Variants in TNIK observed in about 807,000 individuals in gnomAD.
The protein encoded by TNIK is TRAF2 and NCK interacting kinase.
A neutral mutation model predicts 191.3 loss-of-function variants in TNIK; 49 were observed. The observed-to-expected ratio is 0.26, with a 90% CI of 0.20 to 0.32. TNIK has a LOEUF of 0.32. Among genes scored for constraint, TNIK ranks in the 10% least tolerant of loss-of-function variants. The pLI is 1.00. For synonymous variants in TNIK, 594 were observed against 600.9 expected, an observed-to-expected ratio of 0.99 and a Z score of 0.17; for missense variants, 1,155 against 1,702.3, an observed-to-expected ratio of 0.68 and a Z score of 5.66.
At chr3:171,143,447 C>A (rs897351249) in intron 12 of TNIK, among the ~76,000 whole-genome samples, 1 of 152,166 alleles carries the variant, frequency 6.6e-6, no homozygotes, top group African/African-American at 2.4e-5. Flanking sequence ...TCTGCTGTAC[C>A]CCAACCCCTC....
intron 2 of TNIK, among the ~76,000 whole-genome samples, chr3:171,369,397 C>T (rs1479539859): frequency 2.0e-5 from 3 of 152,176 alleles, no homozygotes; most frequent in African/African-American, 7.2e-5. Flanking sequence ...GTGTCACATA[C>T]AAACACAGTA....
chr3:171,253,589 T>TCCCCCCCCCCCCCCCCCCCCCC (rs67388870), intron 2 of TNIK, among the ~76,000 whole-genome samples: 2 of 121,542 alleles, frequency 1.6e-5, no homozygotes, highest in African/African-American at 3.1e-5. Flanking sequence ...AGAAGACAGG[T>TCCCCCCCCCCCCCCCCCCCCCC]CCCCCCCCCA....
At chr3:171,224,468 A>G (rs928123464) in intron 3 of TNIK, among the ~76,000 whole-genome samples, 28 of 140,738 alleles carry the variant, frequency 2.0e-4, no homozygotes, top group Non-Finnish European at 3.2e-4. Context: ...CAGGGTTATC[A>G]AAAAAAAAAC....
intron 15 of TNIK, among the ~76,000 whole-genome samples, chr3:171,131,371 A>G (rs1190725638): frequency 4.1e-5 from 6 of 144,878 alleles, no homozygotes; most frequent in South Asian, 4.5e-4. Context: ...AAAAAAAAAA[A>G]AAAGAAATGA....
rs1298661867 is a variant in TNIK, at chr3:171,159,618, G to A, written c.1016+1652C>T. ...TGGGAACCCAGCCTCCCATGCACACGAGGATGCTCCATTAATATTAATTGA... is the reference window on the plus strand; with the variant it reads ...TGGGAACCCAGCCTCCCATGCACACAAGGATGCTCCATTAATATTAATTGA... On this transcript the variant is annotated intron_variant, in intron 11 of 32. Transcript: ENST00000436636. The surrounding 1 kb of genome is among the most constrained non-coding windows in gnomAD (Gnocchi z 4.1). Among the ~76,000 whole-genome samples the A allele has an allele frequency of 1.3e-5, 2 of 152,158 alleles. No homozygotes were observed. Among genetic ancestry groups the A allele is most frequent in the African/African-American group, 2.4e-5 (1 of 41,432 alleles).
At chr3:171,386,860 T>G (rs1351672921) in intron 1 of TNIK, among the ~76,000 whole-genome samples, 1 of 152,188 alleles carries the variant, frequency 6.6e-6, no homozygotes, top group Non-Finnish European at 1.5e-5. Flanking sequence ...GTTGAAAAAC[T>G]TTGCCACTCC....
intron 2 of TNIK, among the ~76,000 whole-genome samples, chr3:171,311,495 C>T (rs188071879): frequency 2.2e-4 from 33 of 152,092 alleles, no homozygotes; most frequent in African/African-American, 6.0e-4. Context: ...CTGATGCTCA[C>T]GGAAACTAAG....
chr3:171,185,732 A>G (rs2108815258), intron 7 of TNIK, among the ~76,000 whole-genome samples: 1 of 152,332 alleles, frequency 6.6e-6, no homozygotes, highest in South Asian at 2.1e-4. Context: ...AGGTTTTGTA[A>G]AAAGTTATAG....
intron 2 of TNIK, among the ~76,000 whole-genome samples, chr3:171,261,737 G>A (rs1747642435): frequency 6.6e-6 from 1 of 152,162 alleles, no homozygotes; most frequent in African/African-American, 2.4e-5. Flanking sequence ...TGTGGCTACA[G>A]CAATGGGCGA....
chr3:171,211,105 G>A lies in TNIK; in HGVS notation c.306+11C>T. 1 of 1,610,690 alleles carries A rather than the reference G, an allele frequency of 6.2e-7. No individual in the cohort carries two copies. The highest frequency in any genetic ancestry group is 8.5e-7 in the Non-Finnish European group (1 of 1,179,018). On this transcript the variant is annotated intron_variant, in intron 4 of 32. Transcript: ENST00000436636. ...TATGTAAATAAAGCAAATTTGGACG[G>A]CAGTACATACCCAAAGTTGGTCATC...
chr3:171,094,117 G>A, intron 22 of TNIK, 149 bp from the exon 23 acceptor site: 1 of 1,054,088 alleles, frequency 9.5e-7, no homozygotes, highest in Non-Finnish European at 1.3e-6. Flanking sequence ...CATGTCAGTG[G>A]TCTTAAGTAC....
chr3:171,221,402 C>T (rs956277168), intron 3 of TNIK, among the ~76,000 whole-genome samples: 2 of 152,112 alleles, frequency 1.3e-5, no homozygotes, highest in African/African-American at 2.4e-5. Flanking sequence ...ACTTGGCTAA[C>T]GAAGGTCTAC....
chr3:171,381,209 A>T (rs1717985665), intron 1 of TNIK, among the ~76,000 whole-genome samples: 1 of 152,146 alleles, frequency 6.6e-6, no homozygotes, highest in African/African-American at 2.4e-5. Context: ...TTTTTGGCAG[A>T]CTCAAGAAGC....
intron 2 of TNIK, among the ~76,000 whole-genome samples, chr3:171,242,180 G>A (rs986658853): frequency 6.6e-6 from 1 of 150,618 alleles, no homozygotes; most frequent in Middle Eastern, 3.5e-3. Context: ...AAAAGAATGA[G>A]GCTGTGCTTT....
chr3:171,068,564 C>T (rs1305924302), intron 30 of TNIK, among the ~76,000 whole-genome samples: 1 of 152,160 alleles, frequency 6.6e-6, no homozygotes, highest in Non-Finnish European at 1.5e-5. Flanking sequence ...AATTCATGCC[C>T]TTGAAAGAAA....
Position 171,159,985 on chromosome 3 carries a change from G to A in TNIK, c.1016+1285C>T, listed in dbSNP as rs1403622684. 6.6e-6 allele frequency among the ~76,000 whole-genome samples: 1 copy of A among 152,208 alleles called. No individual in the cohort carries two copies. Among genetic ancestry groups the A allele is most frequent in the Admixed American group, 6.5e-5 (1 of 15,282 alleles). On this transcript the variant is annotated intron_variant, in intron 11 of 32. Transcript: ENST00000436636. This position sits in a 1 kb window ranked among gnomAD's most constrained non-coding sequence, Gnocchi z 4.1. ...AGTGTTAGAAAGACAGGGTTTCTCA[G>A]TTCTACAGAAAGTGGTCAGAAGGCT... is the stretch of plus-strand genomic sequence containing the variant.
At chr3:171,122,122 A>T (rs1222544683) in intron 18 of TNIK, among the ~76,000 whole-genome samples, 1 of 152,236 alleles carries the variant, frequency 6.6e-6, no homozygotes, top group Non-Finnish European at 1.5e-5. Flanking sequence ...TTCAGAGGGA[A>T]TGGAAATGGC....
intron 14 of TNIK, 128 bp from the exon 15 acceptor site, chr3:171,138,507 G>A: frequency 1.2e-6 from 1 of 834,742 alleles, no homozygotes; most frequent in South Asian, 2.7e-5. Flanking sequence ...AATACCAACA[G>A]AATGACAGAA....
chr3:171,345,761 T>C (rs1712083835), intron 2 of TNIK, among the ~76,000 whole-genome samples: 1 of 152,174 alleles, frequency 6.6e-6, no homozygotes, highest in African/African-American at 2.4e-5. Flanking sequence ...GATAAAATAG[T>C]AAGCTTTTCT....
Sources: gnomAD v4.1 joint callset for allele counts (sites outside exome capture counted in the v4.1 genomes callset) on GRCh38, gnomAD v4.1.1 for gene constraint, Gnocchi (gnomAD v3.1) non-coding constraint, MANE v1.5 for transcripts, NCBI Gene and HGNC (gene_info 2026-07-23, HGNC 2026-07-21) for gene names.